CD226: variants seen among roughly 807,000 people sequenced by gnomAD.
The protein encoded by CD226 is CD226 antigen.
A neutral mutation model predicts 34.9 loss-of-function variants in CD226; 24 were observed. That is an observed-to-expected ratio of 0.69 (90% CI 0.50 to 0.97). CD226 has a LOEUF of 0.97. Ranked by LOEUF, CD226 falls within the 50% of genes least tolerant of loss-of-function variation. The probability of loss-of-function intolerance (pLI) is 0.00; values close to 1 mark genes in which losing one functional copy is unlikely to be tolerated. For missense variants in CD226, 397 were observed against 412.7 expected (o/e 0.96, Z 0.33); for synonymous variants, 148 against 147.4 (o/e 1.00, Z -0.03).
At position 69,856,116 on chromosome 18, in the gene CD226, T is replaced by C. The variant is rs1019776102; in HGVS notation, c.*8198A>G. ...ATTTAAAATTAAAAGGATAAAGATG[T>C]GAGATGCTAATGTTAATTTTTTAAA... On this transcript the variant is annotated 3_prime_UTR_variant, in exon 6 of 6. Transcript: ENST00000582621. 2.6e-5 allele frequency: 4 copies of C among 152,088 alleles called. No individual in the cohort carries two copies. The highest frequency in any genetic ancestry group is 9.7e-5 in the African/African-American group (4 of 41,432). 9.4% of individuals were successfully genotyped at this position (152,088 alleles called of 1,614,324 possible). A position where few individuals can be genotyped will look rare whatever the true frequency, so the allele number is the denominator to read the frequency against.
At chr18:69,955,837 T>C (rs2055892424) in intron 1 of CD226, among the ~76,000 whole-genome samples, 1 of 114,020 alleles carries the variant, frequency 8.8e-6, no homozygotes, top group African/African-American at 3.3e-5. Context: ...CACTCCAGCC[T>C]GGGCAAAGGA....
intron 3 of CD226, among the ~76,000 whole-genome samples, chr18:69,881,288 T>C (rs1303556961): frequency 6.6e-6 from 1 of 152,178 alleles, no homozygotes; most frequent in African/African-American, 2.4e-5. Flanking sequence ...AGCTGACAGA[T>C]TCTGCATTAT....
rs2145166012 is a variant in CD226 at position 69,861,732 on chromosome 18, G to A, written c.*2582C>T. 1 of 151,658 alleles carries A rather than the reference G, an allele frequency of 6.6e-6. No individual in the cohort carries two copies. Among genetic ancestry groups the A allele is most frequent in the South Asian group, 2.1e-4 (1 of 4,798 alleles). 9.4% of individuals were successfully genotyped at this position (151,658 alleles called of 1,614,324 possible). On this transcript the variant is annotated 3_prime_UTR_variant, in exon 6 of 6. Coordinates refer to ENST00000582621, the MANE Select transcript of CD226 (RefSeq NM_001303618.2). ...GAATCATAGGTGCAAAAGAGTAGAG[G>A]GGGAGAAACATACACTAGGGAGAGT...
At position 69,927,276 on chromosome 18, in the gene CD226, T is replaced by G. The variant is rs575856518; in HGVS notation, c.382+19458A>C. Among the ~76,000 whole-genome samples, 824 of 152,110 alleles carry G rather than the reference T, an allele frequency of 5.4e-3. 7 individuals carry two copies. The highest frequency in any genetic ancestry group is 9.4e-3 in the Non-Finnish European group (636 of 68,006). On this transcript the variant is annotated intron_variant, in intron 2 of 5. Coordinates refer to ENST00000582621, the MANE Select transcript of CD226 (RefSeq NM_001303618.2). ...TGCTTTGGTCTTGGACTTCCTAGCC[T>G]CTAGAACGGTGAGATATACAACTCA...
chr18:69,925,890 C>T (rs961856797), intron 2 of CD226, among the ~76,000 whole-genome samples: 1 of 152,194 alleles, frequency 6.6e-6, no homozygotes, highest in African/African-American at 2.4e-5. Flanking sequence ...TGCCTGTAAT[C>T]CCAGCACTTT....
intron 3 of CD226, among the ~76,000 whole-genome samples, chr18:69,893,096 A>C (rs1023653390): frequency 2.0e-5 from 3 of 152,234 alleles, no homozygotes; most frequent in African/African-American, 7.2e-5. Flanking sequence ...TTTCACTTAT[A>C]AAAATTGAAA....
At chr18:69,870,272 C>CTTTT (rs66643759) in intron 4 of CD226, among the ~76,000 whole-genome samples, 7 of 124,102 alleles carry the variant, frequency 5.6e-5, no homozygotes, top group Admixed American at 9.0e-5. Flanking sequence ...TTGGCTCCCC[C>CTTTT]TTTTTTTTTT....
intron 2 of CD226, among the ~76,000 whole-genome samples, chr18:69,919,294 C>T (rs2055422880): frequency 6.6e-6 from 1 of 152,138 alleles, no homozygotes. Flanking sequence ...CGGAGCAACC[C>T]AGGCAATTTA....
intron 4 of CD226, among the ~76,000 whole-genome samples, chr18:69,870,272 C>CTTTTT (rs66643759): frequency 1.6e-5 from 2 of 124,098 alleles, no homozygotes; most frequent in African/African-American, 3.0e-5. Context: ...TTGGCTCCCC[C>CTTTTT]TTTTTTTTTT....
intron 2 of CD226, among the ~76,000 whole-genome samples, chr18:69,941,661 A>C (rs1351903108): frequency 6.6e-5 from 10 of 152,106 alleles, no homozygotes; most frequent in Admixed American, 6.5e-4. Flanking sequence ...GAAGTAACTA[A>C]CTTGCTTTTG....
At chr18:69,932,358 A>G (rs1414777877) in intron 2 of CD226, among the ~76,000 whole-genome samples, 1 of 152,010 alleles carries the variant, frequency 6.6e-6, no homozygotes, top group Non-Finnish European at 1.5e-5. Context: ...TAAAGCTCCT[A>G]CTCCCAGCCC....
intron 2 of CD226, among the ~76,000 whole-genome samples, chr18:69,939,303 G>A (rs889684369): frequency 1.3e-5 from 2 of 152,160 alleles, no homozygotes; most frequent in South Asian, 2.1e-4. Context: ...TATAAATAAC[G>A]TATTGTTTAA....
At chr18:69,949,170 T>C (rs540846818), upstream of CD226, among the ~76,000 whole-genome samples, 1 of 152,242 alleles carries the variant, frequency 6.6e-6, no homozygotes, top group Non-Finnish European at 1.5e-5. Context: ...CGCGGCGTCA[T>C]GCTAACTTCT....
chr18:69,945,493 T>C (rs928482138), intron 2 of CD226, among the ~76,000 whole-genome samples: 4 of 152,338 alleles, frequency 2.6e-5, no homozygotes, highest in Admixed American at 2.6e-4. Context: ...CATTGGGTTC[T>C]TTCTGACACC....
At chr18:69,934,727 T>C (rs2055631218) in intron 2 of CD226, among the ~76,000 whole-genome samples, 1 of 152,148 alleles carries the variant, frequency 6.6e-6, no homozygotes, top group African/African-American at 2.4e-5. Flanking sequence ...TTTTCTCACA[T>C]TAAGAGTTAT....
At chr18:69,940,918 T>C (rs1028031309) in intron 2 of CD226, among the ~76,000 whole-genome samples, 10 of 152,108 alleles carry the variant, frequency 6.6e-5, no homozygotes, top group Admixed American at 5.9e-4. Flanking sequence ...GGAAAAGTGA[T>C]TTCCTGGGCC....
chr18:69,897,708 A>G (rs977937672), intron 2 of CD226, among the ~76,000 whole-genome samples: 2 of 152,194 alleles, frequency 1.3e-5, no homozygotes, highest in Non-Finnish European at 2.9e-5. Context: ...AAAAGGAAGG[A>G]AAGGAGACAG....
At chr18:69,919,928 ATCACAGG>A (rs1244018578) in intron 2 of CD226, among the ~76,000 whole-genome samples, 30 of 151,362 alleles carry the variant, frequency 2.0e-4, no homozygotes, top group Admixed American at 2.0e-3. Context: ...CCCATGAGCA[ATCACAGG>A]TCACTGAAGC....
chr18:69,874,949 A>G (rs1319915386), intron 3 of CD226, among the ~76,000 whole-genome samples: 1 of 152,100 alleles, frequency 6.6e-6, no homozygotes, highest in East Asian at 1.9e-4. Context: ...CATTGTGTCT[A>G]TGTACCACAT....
Sources: gnomAD v4.1 joint callset for allele counts (sites outside exome capture counted in the v4.1 genomes callset) on GRCh38, gnomAD v4.1.1 for gene constraint, MANE v1.5 for transcripts, NCBI Gene and HGNC (gene_info 2026-07-23, HGNC 2026-07-21) for gene names.